The following NRG3 variants were observed in gnomAD, a reference collection of about 807,000 sequenced individuals.
NRG3 encodes the protein neuregulin 3.
A neutral mutation model predicts 66.9 loss-of-function variants in NRG3; 31 were observed. That is an observed-to-expected ratio of 0.46 (90% CI 0.35 to 0.63). NRG3 has a LOEUF of 0.63. Among genes scored for constraint, NRG3 ranks in the 20% least tolerant of loss-of-function variants. NRG3 has a pLI of 0.00. For missense variants in NRG3, 910 were observed against 878.9 expected (o/e 1.04, Z -0.45); for synonymous variants, 393 against 359.4 (o/e 1.09, Z -1.06).
intron 2 of NRG3, among the ~76,000 whole-genome samples, chr10:82,644,757 C>T (rs1267122980): frequency 2.0e-5 from 3 of 152,036 alleles, no homozygotes; most frequent in Admixed American, 2.0e-4. Context: ...TGGCAATTTA[C>T]AGAGTTGTAA....
intron 3 of NRG3, among the ~76,000 whole-genome samples, chr10:82,776,721 A>ACTT (rs2059924798): frequency 1.3e-5 from 2 of 151,070 alleles, no homozygotes; most frequent in South Asian, 4.2e-4. Flanking sequence ...TCTTACATGT[A>ACTT]CTTCTTATTT....
chr10:81,938,618 AGT>A (rs373196547), intron 1 of NRG3, among the ~76,000 whole-genome samples: 4,719 of 144,080 alleles, frequency 0.033, 111 homozygotes, highest in Non-Finnish European at 0.052. Flanking sequence ...GAGTTCTGAC[AGT>A]GTGTGTGTGT....
intron 2 of NRG3, among the ~76,000 whole-genome samples, chr10:82,473,193 C>T (rs1185849049): frequency 6.6e-6 from 1 of 152,172 alleles, no homozygotes; most frequent in Non-Finnish European, 1.5e-5. Context: ...AGTGTTCACT[C>T]TATCAAGCTA....
intron 1 of NRG3, among the ~76,000 whole-genome samples, chr10:82,184,428 T>A (rs2073660918): frequency 6.6e-6 from 1 of 152,164 alleles, no homozygotes; most frequent in South Asian, 2.1e-4. Context: ...ATTCAGGGAA[T>A]GGTTTCTGGG....
At chr10:82,674,243 A>G (rs924554711) in intron 2 of NRG3, among the ~76,000 whole-genome samples, 1 of 152,202 alleles carries the variant, frequency 6.6e-6, no homozygotes, top group Non-Finnish European at 1.5e-5. Context: ...TTAGTCATCA[A>G]ATGCCATCTA....
intron 1 of NRG3, among the ~76,000 whole-genome samples, chr10:82,078,063 CTG>C (rs1235439037): frequency 1.3e-5 from 2 of 152,040 alleles, no homozygotes; most frequent in Non-Finnish European, 2.9e-5. Context: ...GATCCATACA[CTG>C]TTTCTTTCTC....
intron 1 of NRG3, among the ~76,000 whole-genome samples, chr10:81,975,269 A>G (rs1342010963): frequency 6.6e-6 from 1 of 152,140 alleles, no homozygotes; most frequent in Non-Finnish European, 1.5e-5. Context: ...GACAATGCAA[A>G]CAAATACATC....
chr10:82,934,727 A>G (rs1323788108), intron 4 of NRG3, among the ~76,000 whole-genome samples: 1 of 152,210 alleles, frequency 6.6e-6, no homozygotes, highest in African/African-American at 2.4e-5. Context: ...ATTATTGTGT[A>G]TCAGTAATTA....
chr10:82,615,516 C>A (rs1003194300), intron 2 of NRG3, among the ~76,000 whole-genome samples: 25 of 151,990 alleles, frequency 1.6e-4, no homozygotes, highest in African/African-American at 6.0e-4. Flanking sequence ...TAAACAATTT[C>A]TTGTAGTGTC....
chr10:81,908,948 C>G (rs916779162), intron 1 of NRG3, among the ~76,000 whole-genome samples: 1 of 152,020 alleles, frequency 6.6e-6, no homozygotes, highest in African/African-American at 2.4e-5. Flanking sequence ...GGGAGTTGTA[C>G]TAGTTTTCTA....
intron 1 of NRG3, among the ~76,000 whole-genome samples, chr10:82,333,082 T>A (rs1332098742): frequency 6.6e-6 from 1 of 152,234 alleles, no homozygotes; most frequent in Non-Finnish European, 1.5e-5. Context: ...GGTTTCAGTT[T>A]TGCAGTGAAG....
chr10:82,732,767 G>C (rs188330996), intron 2 of NRG3, among the ~76,000 whole-genome samples: 94 of 152,300 alleles, frequency 6.2e-4, no homozygotes, highest in African/African-American at 1.9e-3. Flanking sequence ...GAGCAGCCAG[G>C]CTTCAAAACC....
intron 3 of NRG3, among the ~76,000 whole-genome samples, chr10:82,764,714 GA>G (rs1414814935): frequency 2.0e-5 from 3 of 152,032 alleles, no homozygotes; most frequent in Non-Finnish European, 4.4e-5. Flanking sequence ...ATATGATAGG[GA>G]AATTATTTCT....
At chr10:82,901,018 C>T (rs1051473444) in intron 4 of NRG3, among the ~76,000 whole-genome samples, 1 of 151,886 alleles carries the variant, frequency 6.6e-6, no homozygotes, top group Non-Finnish European at 1.5e-5. Context: ...CAGATTTTAC[C>T]GAAATTTAAT....
chr10:82,558,057 A>G (rs545090086), intron 2 of NRG3, among the ~76,000 whole-genome samples: 6 of 152,312 alleles, frequency 3.9e-5, no homozygotes, highest in Admixed American at 6.5e-5. Context: ...GGCAATAGCC[A>G]TTTGGGCTAG....
chr10:82,811,182 GTA>G (rs1453814040), intron 3 of NRG3, among the ~76,000 whole-genome samples: 1 of 152,120 alleles, frequency 6.6e-6, no homozygotes, highest in African/African-American at 2.4e-5. Context: ...ACCATGATAT[GTA>G]TTGCTTCATA....
intron 2 of NRG3, among the ~76,000 whole-genome samples, chr10:82,622,537 T>C (rs979602590): frequency 6.6e-6 from 1 of 152,124 alleles, no homozygotes; most frequent in Non-Finnish European, 1.5e-5. Context: ...TGACTTACCA[T>C]TTGTTGACTT....
At chr10:82,808,207 A>AG (rs2061362470) in intron 3 of NRG3, among the ~76,000 whole-genome samples, 1 of 151,904 alleles carries the variant, frequency 6.6e-6, no homozygotes, top group South Asian at 2.1e-4. Flanking sequence ...GTAAAAAAAA[A>AG]AAAGCACAGT....
chr10:82,033,683 A>C (rs1301964103), intron 1 of NRG3, among the ~76,000 whole-genome samples: 1 of 152,118 alleles, frequency 6.6e-6, no homozygotes, highest in African/African-American at 2.4e-5. Flanking sequence ...AATTTACATG[A>C]GCATGTGTGA....
Sources: gnomAD v4.1 joint callset for allele counts (sites outside exome capture counted in the v4.1 genomes callset) on GRCh38, gnomAD v4.1.1 for gene constraint, MANE v1.5 for transcripts, NCBI Gene and HGNC (gene_info 2026-07-23, HGNC 2026-07-21) for gene names.